The following CTNNA3 variants were observed in gnomAD, a reference collection of about 807,000 sequenced individuals.
The protein encoded by CTNNA3 is catenin alpha 3, also known as catenin alpha-3.
In CTNNA3, 76 loss-of-function variants were observed where a neutral mutation model predicts 95.7. The ratio of observed to expected loss-of-function variants is 0.79; its 90% CI spans 0.66 to 0.96. The LOEUF (loss-of-function observed/expected upper bound fraction) is 0.96, where lower values mean the gene tolerates loss of function less well. Among genes scored for constraint, CTNNA3 ranks in the 40% least tolerant of loss-of-function variants. The pLI is 0.00. For synonymous variants in CTNNA3, 431 were observed against 374.4 expected, an observed-to-expected ratio of 1.15 and a Z score of -1.74; for missense variants, 1,191 against 1,089.8, an observed-to-expected ratio of 1.09 and a Z score of -1.31.
chr10:67,463,064 C>G (rs912141292), intron 5 of CTNNA3, among the ~76,000 whole-genome samples: 1 of 151,828 alleles, frequency 6.6e-6, no homozygotes, highest in Non-Finnish European at 1.5e-5. Context: ...CCACCACACC[C>G]GGCTAATTTT....
At chr10:67,512,158 T>G (rs1564705056) in intron 5 of CTNNA3, among the ~76,000 whole-genome samples, 2 of 151,872 alleles carry the variant, frequency 1.3e-5, no homozygotes, top group Non-Finnish European at 2.9e-5. Context: ...GTAATGCAAA[T>G]CAAAACAAAA....
rs74233481 is a variant in CTNNA3 at position 67,127,032 on chromosome 10, C to T, written c.1047+53285G>A. On this transcript the variant is annotated intron_variant, in intron 7 of 17. Transcript: ENST00000433211. Reference sequence around the variant, plus strand: ...TACAGCTACAGCATATATTTTCTGCCTGACAACTCAAGTGAGTAAACACTA... The same window carrying T: ...TACAGCTACAGCATATATTTTCTGCTTGACAACTCAAGTGAGTAAACACTA... Among the ~76,000 whole-genome samples, 1,519 of 152,276 alleles carry T rather than the reference C, an allele frequency of 1.0e-2. 76 individuals are homozygous for T. The East Asian group carries it at 0.14, about 14-fold the overall frequency.
chr10:66,203,983 A>C (rs944222714), intron 13 of CTNNA3, among the ~76,000 whole-genome samples: 5 of 152,050 alleles, frequency 3.3e-5, no homozygotes, highest in Admixed American at 6.6e-5. Context: ...AAAAACCACA[A>C]ATTCTAGGCC....
chr10:67,130,398 A>C (rs1859936333), intron 7 of CTNNA3, among the ~76,000 whole-genome samples: 1 of 152,112 alleles, frequency 6.6e-6, no homozygotes. Flanking sequence ...AACTTTTGCT[A>C]TCTCAAAAGG....
At chr10:66,936,208 T>G (rs1016247472) in intron 7 of CTNNA3, among the ~76,000 whole-genome samples, 1 of 152,180 alleles carries the variant, frequency 6.6e-6, no homozygotes, top group Non-Finnish European at 1.5e-5. Context: ...GTGTGGAGTC[T>G]TTATTAGTTT....
At chr10:67,640,581 A>C (rs1839494445) in intron 2 of CTNNA3, among the ~76,000 whole-genome samples, 1 of 152,234 alleles carries the variant, frequency 6.6e-6, no homozygotes. Context: ...AGCTGGAGGC[A>C]TCACACTACC....
intron 9 of CTNNA3, among the ~76,000 whole-genome samples, chr10:66,684,093 T>C (rs943986658): frequency 6.6e-6 from 1 of 152,172 alleles, no homozygotes; most frequent in Non-Finnish European, 1.5e-5. Context: ...TTGACCTCTC[T>C]GTAATTCTGT....
chr10:66,344,783 C>G (rs564926738), intron 12 of CTNNA3, among the ~76,000 whole-genome samples: 17 of 152,174 alleles, frequency 1.1e-4, no homozygotes, highest in African/African-American at 4.1e-4. Context: ...ATAGAGGCAT[C>G]TGATTTAGAA....
At chr10:67,544,759 T>C (rs1313770738) in intron 3 of CTNNA3, among the ~76,000 whole-genome samples, 1 of 152,122 alleles carries the variant, frequency 6.6e-6, no homozygotes, top group African/African-American at 2.4e-5. Flanking sequence ...GGACATTGGA[T>C]AGAATACAAA....
intron 5 of CTNNA3, among the ~76,000 whole-genome samples, chr10:67,319,308 T>G (rs1396372997): frequency 6.6e-6 from 1 of 152,116 alleles, no homozygotes; most frequent in East Asian, 1.9e-4. Context: ...ATCTCTTCAC[T>G]GTGATAAATC....
chr10:67,007,545 C>A (rs1239543374), intron 7 of CTNNA3, among the ~76,000 whole-genome samples: 1 of 151,840 alleles, frequency 6.6e-6, no homozygotes, highest in Non-Finnish European at 1.5e-5. Context: ...TTAGGTCAAA[C>A]TTGGAATCTA....
intron 7 of CTNNA3, among the ~76,000 whole-genome samples, chr10:67,044,322 T>G (rs1854593663): frequency 6.6e-6 from 1 of 152,210 alleles, no homozygotes; most frequent in Non-Finnish European, 1.5e-5. Flanking sequence ...AAGGGGATAT[T>G]TCCAAAACGT....
In CTNNA3 at chr10:67,566,636, A is replaced by G. The variant is rs1221979516; in HGVS notation, c.293-26967T>C. Among the ~76,000 whole-genome samples the G allele has an allele frequency of 4.5e-4, 68 of 152,240 alleles. No homozygotes were observed. In the East Asian group the frequency reaches 0.012, roughly 27 times the overall value. On this transcript the variant is annotated intron_variant, in intron 3 of 17. Coordinates refer to ENST00000433211, the MANE Select transcript of CTNNA3 (RefSeq NM_013266.4). ...GGCGATTCCTCAGGGATCTAGAACT[A>G]CAAATACCATTTGACCCAGCCATCC...
At chr10:67,151,287 C>T (rs1463933687) in intron 7 of CTNNA3, among the ~76,000 whole-genome samples, 7 of 151,642 alleles carry the variant, frequency 4.6e-5, no homozygotes, top group Middle Eastern at 3.4e-3. Context: ...TGTAGAACCA[C>T]GAGAAGTATG....
intron 5 of CTNNA3, among the ~76,000 whole-genome samples, chr10:67,291,667 T>C (rs1001905847): frequency 6.6e-6 from 1 of 152,142 alleles, no homozygotes; most frequent in Non-Finnish European, 1.5e-5. Context: ...CTACCATAAA[T>C]ACCTAGATTG....
At chr10:66,492,226 A>G (rs1839948070) in intron 11 of CTNNA3, among the ~76,000 whole-genome samples, 1 of 152,176 alleles carries the variant, frequency 6.6e-6, no homozygotes, top group Non-Finnish European at 1.5e-5. Flanking sequence ...AAACCCAGAG[A>G]AGAAAATACA....
At chr10:66,680,527 C>T (rs1182850971) in intron 9 of CTNNA3, among the ~76,000 whole-genome samples, 2 of 152,154 alleles carry the variant, frequency 1.3e-5, no homozygotes, top group Admixed American at 1.3e-4. Context: ...TGAACAGCAA[C>T]ATTTCCTTCA....
At chr10:67,739,394 A>G (rs1273324185) in intron 1 of CTNNA3, among the ~76,000 whole-genome samples, 1 of 152,194 alleles carries the variant, frequency 6.6e-6, no homozygotes, top group East Asian at 1.9e-4. Context: ...ACATGATTGT[A>G]TATCTAGAAA....
chr10:66,830,962 GA>G (rs146547582), intron 7 of CTNNA3, among the ~76,000 whole-genome samples: 4 of 151,622 alleles, frequency 2.6e-5, no homozygotes, highest in African/African-American at 7.3e-5. Context: ...ATAAAAAAGG[GA>G]AAAAAAAGAA....
Sources: allele counts gnomAD v4.1 joint callset (sites outside exome capture counted in the v4.1 genomes callset), GRCh38; gene constraint gnomAD v4.1.1; transcripts MANE v1.5; gene names NCBI Gene and HGNC (gene_info 2026-07-23, HGNC 2026-07-21).